Variants in DHRSX observed in about 807,000 individuals in gnomAD.
The protein encoded by DHRSX is polyprenol dehydrogenase.
DHRSX carries 31 observed loss-of-function variants against 34.0 expected under a neutral mutation model. The ratio of observed to expected loss-of-function variants is 0.91; its 90% CI spans 0.69 to 1.23. The LOEUF (loss-of-function observed/expected upper bound fraction) is 1.23. Ranked by LOEUF, DHRSX falls within the 50% of genes most tolerant of loss-of-function variation. DHRSX has a pLI of 0.00. For missense variants in DHRSX, 414 were observed against 428.1 expected, an observed-to-expected ratio of 0.97 and a Z score of 0.29; for synonymous variants, 201 against 183.8, an observed-to-expected ratio of 1.09 and a Z score of -0.76.
chrX:2,314,849 G>T (rs1467718663), intron 3 of DHRSX, among the ~76,000 whole-genome samples: 1 of 151,988 alleles, frequency 6.6e-6, no homozygotes, highest in Non-Finnish European at 1.5e-5. Flanking sequence ...ACTATGGCTC[G>T]GAAGTCATTG....
At chrX:2,403,612 T>C (rs190521746) in intron 3 of DHRSX, among the ~76,000 whole-genome samples, 2 of 152,086 alleles carry the variant, frequency 1.3e-5, no homozygotes, top group Admixed American at 6.6e-5. Flanking sequence ...TCCCAGCAAT[T>C]TGGGAGGCTG....
chrX:2,350,345 C>G (rs978166894), intron 3 of DHRSX, among the ~76,000 whole-genome samples: 15 of 152,062 alleles, frequency 9.9e-5, no homozygotes, highest in African/African-American at 3.6e-4. Flanking sequence ...AGCAAGACTC[C>G]ATCTCAAAAA....
intron 3 of DHRSX, among the ~76,000 whole-genome samples, chrX:2,349,978 G>A (rs1042367002): frequency 4.0e-5 from 6 of 151,804 alleles, no homozygotes; most frequent in Non-Finnish European, 7.4e-5. Flanking sequence ...GGTGGAGCTT[G>A]CAGTAAGCCG....
intron 3 of DHRSX, among the ~76,000 whole-genome samples, chrX:2,362,646 T>A (rs1319956856): frequency 6.6e-6 from 1 of 152,210 alleles, no homozygotes; most frequent in Non-Finnish European, 1.5e-5. Flanking sequence ...AGTTGAACAC[T>A]GGAGAAGGAT....
At chrX:2,225,295 TACACAC>T (rs68052373) in intron 6 of DHRSX, among the ~76,000 whole-genome samples, 26 of 150,028 alleles carry the variant, frequency 1.7e-4, no homozygotes, top group African/African-American at 6.4e-4. Flanking sequence ...CTTTCACATG[TACACAC>T]ATTCACATGC....
Position 2,376,250 on chromosome X carries a change from C to A in DHRSX, c.286+32495G>T, listed in dbSNP as rs186629141. Among the ~76,000 whole-genome samples the A allele has an allele frequency of 2.5e-4, 35 of 137,578 alleles. 8 individuals are homozygous for A. Among genetic ancestry groups the A allele is most frequent in the Middle Eastern group, 3.6e-3 (1 of 280 alleles). 90.3% of individuals were successfully genotyped at this position (137,578 alleles called of 152,430 possible). On this transcript the variant is annotated intron_variant, in intron 3 of 6. Transcript: ENST00000334651. Reference sequence around the variant, plus strand: ...TGAGGCATTGTAGATGGCAAGAGTGCATGTGTGCGTGTGTGTATGTGTCTG... The same window carrying A: ...TGAGGCATTGTAGATGGCAAGAGTGAATGTGTGCGTGTGTGTATGTGTCTG...
At chrX:2,221,383 T>C in intron 6 of DHRSX, 154 bp from the exon 7 acceptor site, 1 of 268,462 alleles carries the variant, frequency 3.7e-6, no homozygotes, top group Non-Finnish European at 5.7e-6. Context: ...GTGATCAATC[T>C]GAACCACAGC....
chrX:2,483,774 A>G (rs1212221889), intron 1 of DHRSX, among the ~76,000 whole-genome samples: 1 of 143,618 alleles, frequency 7.0e-6, no homozygotes, highest in Non-Finnish European at 1.5e-5. Flanking sequence ...TCGAGAAAAA[A>G]AAGGGAAAAA....
At chrX:2,282,673 G>GGA (rs1049519000) in intron 4 of DHRSX, among the ~76,000 whole-genome samples, 1 of 139,362 alleles carries the variant, frequency 7.2e-6, no homozygotes, top group Non-Finnish European at 1.6e-5. Flanking sequence ...TGGGAGAAAA[G>GGA]GAGAGAGAGA....
chrX:2,446,061 C>T (rs767544414), intron 1 of DHRSX, among the ~76,000 whole-genome samples: 10 of 151,160 alleles, frequency 6.6e-5, no homozygotes, highest in East Asian at 2.0e-4. Flanking sequence ...GCTAAGGGAC[C>T]GCCATCATGT....
intron 1 of DHRSX, among the ~76,000 whole-genome samples, chrX:2,497,632 G>A (rs1338982769): frequency 6.6e-6 from 1 of 152,170 alleles, no homozygotes; most frequent in Non-Finnish European, 1.5e-5. Context: ...ATCCCAGAAA[G>A]TGAAGGAATA....
intron 1 of DHRSX, among the ~76,000 whole-genome samples, chrX:2,430,503 GT>G (rs889233642): frequency 8.5e-5 from 13 of 152,194 alleles, no homozygotes; most frequent in African/African-American, 3.1e-4. Flanking sequence ...AGGGTTTTGG[GT>G]TTTCACAGCC....
chrX:2,411,713 C>T (rs563644169), intron 2 of DHRSX, among the ~76,000 whole-genome samples: 4 of 151,032 alleles, frequency 2.6e-5, no homozygotes, highest in African/African-American at 4.9e-5. Context: ...GGCAACACAG[C>T]GAGACTCCAT....
intron 3 of DHRSX, among the ~76,000 whole-genome samples, chrX:2,402,829 G>GCAT (rs1321438107): frequency 2.0e-5 from 3 of 151,404 alleles, no homozygotes. Context: ...ATCCCCTCGA[G>GCAT]CATTCATCAC....
intron 3 of DHRSX, among the ~76,000 whole-genome samples, chrX:2,377,005 AAAGG>A (rs2043148114): frequency 1.3e-5 from 2 of 151,962 alleles, no homozygotes; most frequent in Non-Finnish European, 2.9e-5. Context: ...CAAAAAAAAA[AAAGG>A]AGAAGAGGAA....
intron 1 of DHRSX, among the ~76,000 whole-genome samples, chrX:2,464,806 G>A (rs968500768): frequency 2.0e-5 from 3 of 151,522 alleles, no homozygotes; most frequent in Non-Finnish European, 4.4e-5. Flanking sequence ...TGTACACACT[G>A]AAGACGTTCT....
chrX:2,381,547 A>G (rs983520794), intron 3 of DHRSX, among the ~76,000 whole-genome samples: 2 of 151,002 alleles, frequency 1.3e-5, no homozygotes, highest in Non-Finnish European at 3.0e-5. Context: ...GCTTGAACCC[A>G]GAGGGCAGAG....
At chrX:2,449,144 G>A (rs373006539) in intron 1 of DHRSX, among the ~76,000 whole-genome samples, 36 of 151,290 alleles carry the variant, frequency 2.4e-4, no homozygotes, top group Admixed American at 1.4e-3. Flanking sequence ...AGCTAAGATC[G>A]CACCACTGCA....
chrX:2,389,200 C>T (rs2043306666), intron 3 of DHRSX, among the ~76,000 whole-genome samples: 1 of 152,114 alleles, frequency 6.6e-6, no homozygotes, highest in Non-Finnish European at 1.5e-5. Flanking sequence ...CATAGGGTAA[C>T]CAGCCAGGAA....
Sources: allele counts gnomAD v4.1 joint callset (sites outside exome capture counted in the v4.1 genomes callset), GRCh38; gene constraint gnomAD v4.1.1; transcripts MANE v1.5; gene names NCBI Gene and HGNC (gene_info 2026-07-23, HGNC 2026-07-21).